The following TEX9 variants were observed in gnomAD, a reference collection of about 807,000 sequenced individuals.
TEX9 encodes testis-expressed protein 9.
A neutral mutation model predicts 59.6 loss-of-function variants in TEX9; 74 were observed. That is an observed-to-expected ratio of 1.24 (90% CI 1.03 to 1.51). The LOEUF (loss-of-function observed/expected upper bound fraction) is 1.51, where lower values mean the gene tolerates loss of function less well. Ranked by LOEUF, TEX9 falls within the 40% of genes most tolerant of loss-of-function variation. TEX9 has a pLI of 0.00. For synonymous variants in TEX9, 186 were observed against 152.2 expected (o/e 1.22, Z -1.64); for missense variants, 522 against 447.8 (o/e 1.17, Z -1.49).
chr15:56,359,055 A>G (rs2141911067), intron 1 of TEX9, among the ~76,000 whole-genome samples: 1 of 152,244 alleles, frequency 6.6e-6, no homozygotes, highest in Non-Finnish European at 1.5e-5. Context: ...ACAGACTAAT[A>G]TAATCACTTT....
intron 1 of TEX9, among the ~76,000 whole-genome samples, chr15:56,319,969 A>G (rs2045866199): frequency 6.6e-6 from 1 of 152,172 alleles, no homozygotes; most frequent in Non-Finnish European, 1.5e-5. Context: ...TTAAGGAGGT[A>G]TATCAGGCTG....
chr15:56,419,070 A>G lies in TEX9; in HGVS notation c.963+6634A>G, dbSNP rs149784531. On this transcript the variant is annotated intron_variant, in intron 10 of 12. Coordinates refer to ENST00000352903, the Ensembl canonical transcript of TEX9. Reference sequence around the variant, plus strand: ...ATTTAAGCCTTCTTCAATTTTTCCAAGCAGCTTTTATATATATATAGTTTC... The same window carrying G: ...ATTTAAGCCTTCTTCAATTTTTCCAGGCAGCTTTTATATATATATAGTTTC... Among the ~76,000 whole-genome samples, 332 of 151,986 alleles carry G rather than the reference A, an allele frequency of 2.2e-3. 11 individuals are homozygous for G. Among genetic ancestry groups the G allele is most frequent in the African/African-American group, 6.9e-3 (286 of 41,284 alleles).
downstream of TEX9, among the ~76,000 whole-genome samples, chr15:56,446,378 A>G (rs2050903187): frequency 1.3e-5 from 2 of 151,998 alleles, no homozygotes; most frequent in Admixed American, 6.6e-5. Context: ...TCAACTTGGT[A>G]CCATATCAGG....
intron 1 of TEX9, among the ~76,000 whole-genome samples, chr15:56,267,743 G>C (rs2044422137): frequency 6.6e-6 from 1 of 152,168 alleles, no homozygotes; most frequent in Non-Finnish European, 1.5e-5. Context: ...TTGTAGTATA[G>C]TTTGAAGTCA....
chr15:56,449,081 C>T (rs138246646), downstream of TEX9, among the ~76,000 whole-genome samples: 42 of 152,248 alleles, frequency 2.8e-4, no homozygotes, highest in African/African-American at 9.9e-4. Context: ...GGATGTTCTA[C>T]ACATACAATC....
chr15:56,449,322 C>CTTTTTTTTTTTTTTTTTTTTTTTTT (rs576363039), downstream of TEX9, among the ~76,000 whole-genome samples: 2 of 151,254 alleles, frequency 1.3e-5, no homozygotes, highest in East Asian at 2.0e-4. Flanking sequence ...TTGCTACACT[C>CTTTTTTTTTTTTTTTTTTTTTTTTT]TTTTTATTAA....
At chr15:56,366,407 C>G (rs569255592) in intron 2 of TEX9, among the ~76,000 whole-genome samples, 1 of 152,304 alleles carries the variant, frequency 6.6e-6, no homozygotes, top group East Asian at 1.9e-4. Context: ...TCCAAAAACT[C>G]TTCCAGGTTT....
intron 1 of TEX9, among the ~76,000 whole-genome samples, chr15:56,308,977 CTG>C (rs1166924626): frequency 6.6e-6 from 1 of 152,128 alleles, no homozygotes; most frequent in African/African-American, 2.4e-5. Flanking sequence ...AAATCAGAAA[CTG>C]TGAGTCCTTC....
At chr15:56,433,120 T>C (rs1261300212) in intron 12 of TEX9, among the ~76,000 whole-genome samples, 6 of 152,058 alleles carry the variant, frequency 3.9e-5, no homozygotes, top group African/African-American at 9.7e-5. Context: ...GTGGACAAAA[T>C]AGAATTATTT....
chr15:56,394,740 T>C (rs1430716111), exon 9 of TEX9: 2 of 1,611,846 alleles, frequency 1.2e-6, no homozygotes, highest in South Asian at 2.2e-5. Context: ...ACAATTAATA[T>C]GCAACAGTCT....
At chr15:56,279,972 C>A (rs1481584999) in intron 1 of TEX9, among the ~76,000 whole-genome samples, 1 of 152,198 alleles carries the variant, frequency 6.6e-6, no homozygotes, top group Non-Finnish European at 1.5e-5. Context: ...TATTGGACAG[C>A]TTGCAATAAG....
intron 1 of TEX9, among the ~76,000 whole-genome samples, chr15:56,287,118 T>G (rs181731128): frequency 4.9e-4 from 74 of 152,314 alleles, no homozygotes; most frequent in Non-Finnish European, 8.8e-4. Flanking sequence ...ATAAACGTTA[T>G]GTCAATAGGA....
intron 1 of TEX9, chr15:56,274,487 A>G (rs754781398): frequency 6.6e-5 from 10 of 152,084 alleles, no homozygotes; most frequent in Non-Finnish European, 1.5e-4. Flanking sequence ...GTTTTTTGAC[A>G]GTGAGTTCAT....
chr15:56,327,091 G>C (rs2046034696), intron 1 of TEX9, among the ~76,000 whole-genome samples: 1 of 151,980 alleles, frequency 6.6e-6, no homozygotes, highest in Non-Finnish European at 1.5e-5. Flanking sequence ...CTTTCATTCA[G>C]ATTTTTTCCA....
At chr15:56,389,753 G>C (rs1383604065) in intron 6 of TEX9, among the ~76,000 whole-genome samples, 2 of 151,592 alleles carry the variant, frequency 1.3e-5, no homozygotes, top group Non-Finnish European at 2.9e-5. Context: ...TAGTTTTTGA[G>C]TATTTGACAA....
At chr15:56,336,299 G>T (rs530666476) in intron 1 of TEX9, among the ~76,000 whole-genome samples, 2 of 152,254 alleles carry the variant, frequency 1.3e-5, no homozygotes, top group Admixed American at 6.5e-5. Context: ...CAATATGATG[G>T]TATTTGAAGG....
At chr15:56,262,957 A>G (rs1465235322) in intron 1 of TEX9, among the ~76,000 whole-genome samples, 1 of 152,156 alleles carries the variant, frequency 6.6e-6, no homozygotes, top group Non-Finnish European at 1.5e-5. Flanking sequence ...TAATATCTTT[A>G]CCATTCTTTT....
chr15:56,413,276 TTAAA>T (rs1428259413), intron 10 of TEX9, among the ~76,000 whole-genome samples: 2 of 5,526 alleles, frequency 3.6e-4, no homozygotes, highest in Non-Finnish European at 8.3e-4. Context: ...AATTTAATAA[TTAAA>T]TAATTTAATA....
At chr15:56,325,933 C>T (rs1004788715) in intron 1 of TEX9, among the ~76,000 whole-genome samples, 13 of 152,190 alleles carry the variant, frequency 8.5e-5, no homozygotes, top group African/African-American at 3.1e-4. Context: ...TTCCTTCACT[C>T]ATGTCTCAAG....
Sources: allele counts gnomAD v4.1 joint callset (sites outside exome capture counted in the v4.1 genomes callset), GRCh38; gene constraint gnomAD v4.1.1; transcripts MANE v1.5; gene names NCBI Gene and HGNC (gene_info 2026-07-23, HGNC 2026-07-21).